The following TAOK1 variants were observed in gnomAD, a reference collection of about 807,000 sequenced individuals.
The protein encoded by TAOK1 is serine/threonine-protein kinase TAO1.
A neutral mutation model predicts 138.3 loss-of-function variants in TAOK1; 21 were observed. The observed-to-expected ratio is 0.15, with a 90% CI of 0.11 to 0.22. The LOEUF is 0.22. TAOK1 is among the 10% of genes least tolerant of loss of function. The probability of loss-of-function intolerance (pLI) is 1.00; values close to 1 mark genes in which losing one functional copy is unlikely to be tolerated. For synonymous variants in TAOK1, 361 were observed against 398.4 expected (o/e 0.91, Z 1.12); for missense variants, 651 against 1,227.7 (o/e 0.53, Z 7.02).
intron 1 of TAOK1, among the ~76,000 whole-genome samples, chr17:29,426,725 G>T (rs903107352): frequency 1.3e-5 from 2 of 152,162 alleles, no homozygotes; most frequent in Non-Finnish European, 2.9e-5. Flanking sequence ...TGTGGGACCA[G>T]CTGTTGGTAC....
intron 1 of TAOK1, among the ~76,000 whole-genome samples, chr17:29,431,849 C>T (rs886836398): frequency 3.3e-5 from 5 of 150,164 alleles, no homozygotes; most frequent in Admixed American, 6.7e-5. Context: ...CTCTGTTGCC[C>T]AGGCTGGATT....
intron 18 of TAOK1, among the ~76,000 whole-genome samples, chr17:29,533,007 C>CCGGACGGGGCGGTTGGCA (rs1216697231): frequency 3.9e-5 from 4 of 103,886 alleles, no homozygotes; most frequent in African/African-American, 1.4e-4. Context: ...CACCTCCAAC[C>CCGGACGGGGCGGTTGGCA]GGGCGGGGGG....
At chr17:29,523,040 A>C (rs1055991160) in intron 17 of TAOK1, among the ~76,000 whole-genome samples, 4 of 147,204 alleles carry the variant, frequency 2.7e-5, no homozygotes, top group Non-Finnish European at 5.9e-5. Context: ...ACACCACAGC[A>C]CTCCAGCCCG....
At chr17:29,393,751 A>C (rs1904502516) in intron 1 of TAOK1, among the ~76,000 whole-genome samples, 1 of 152,176 alleles carries the variant, frequency 6.6e-6, no homozygotes, top group Non-Finnish European at 1.5e-5. Flanking sequence ...AATTTCTGAG[A>C]ATCAGCTGGA....
At position 29,530,499 on chromosome 17, in the gene TAOK1, T is replaced by C; in HGVS notation, c.2241T>C (p.Thr747=). 6.2e-7 allele frequency: 1 copy of C among 1,614,154 alleles called. No individual in the cohort carries two copies. The highest frequency in any genetic ancestry group is 8.5e-7 in the Non-Finnish European group (1 of 1,180,032). ...YKALRNHLLE[T]TPKSEHKAVL... ...CATTAAGAAATCACCTGCTGGAGACTACACCAAAGAGTGAGCACAAAGCTG... is the reference window on the plus strand; with the variant it reads ...CATTAAGAAATCACCTGCTGGAGACCACACCAAAGAGTGAGCACAAAGCTG... Residue 747 remains threonine, a synonymous_variant, in exon 18 of 20, where the codon ACT becomes ACC. Transcript: ENST00000261716.
chr17:29,460,193 A>G (rs1269595769), intron 2 of TAOK1, among the ~76,000 whole-genome samples: 2 of 152,320 alleles, frequency 1.3e-5, no homozygotes, highest in Middle Eastern at 3.4e-3. Flanking sequence ...GAACTTTGTC[A>G]GTAGTCTTTT....
chr17:29,427,834 C>T (rs577414636), intron 1 of TAOK1, among the ~76,000 whole-genome samples: 67 of 149,726 alleles, frequency 4.5e-4, no homozygotes, highest in Non-Finnish European at 6.6e-4. Flanking sequence ...GGTTGAGGCA[C>T]GAGAATTGTT....
chr17:29,438,345 T>TGG (rs1307947991), intron 1 of TAOK1, among the ~76,000 whole-genome samples: 1 of 152,242 alleles, frequency 6.6e-6, no homozygotes, highest in African/African-American at 2.4e-5. Context: ...AAAACAAATT[T>TGG]AAGTTTCCTA....
At chr17:29,490,205 G>A (rs184000483) in intron 9 of TAOK1, among the ~76,000 whole-genome samples, 14 of 151,988 alleles carry the variant, frequency 9.2e-5, no homozygotes, top group Admixed American at 6.6e-4. Context: ...AAATTACCAG[G>A]TAATTAAAAA....
At chr17:29,465,837 C>CTTTTTGTTTTTTTTT (rs2030650921) in intron 2 of TAOK1, among the ~76,000 whole-genome samples, 1 of 45,434 alleles carries the variant, frequency 2.2e-5, no homozygotes, top group African/African-American at 1.1e-4. Flanking sequence ...AGTTTCTGTG[C>CTTTTTGTTTTTTTTT]TTTTTTTTTT....
rs1489037162 is a variant in TAOK1 at position 29,545,085 on chromosome 17, T to A, written c.*2063T>A. 2 of 152,208 alleles carry A rather than the reference T, an allele frequency of 1.3e-5. No individual in the cohort carries two copies. The highest frequency in any genetic ancestry group is 2.9e-5 in the Non-Finnish European group (2 of 68,032). 9.4% of individuals were successfully genotyped at this position (152,208 alleles called of 1,614,324 possible). On this transcript the variant is annotated 3_prime_UTR_variant, in exon 20 of 20. Coordinates refer to ENST00000261716, the MANE Select transcript of TAOK1 (RefSeq NM_020791.4). Reference sequence around the variant, plus strand: ...ATCACCATAGAGTTCACACAAAATTTTAGGCAGTGTTTCAAGAAGCACTCT... The same window carrying A: ...ATCACCATAGAGTTCACACAAAATTATAGGCAGTGTTTCAAGAAGCACTCT...
intron 1 of TAOK1, among the ~76,000 whole-genome samples, chr17:29,427,925 CAAAAAAAA>C (rs34918500): frequency 8.7e-6 from 1 of 115,022 alleles, no homozygotes; most frequent in Non-Finnish European, 1.9e-5. Context: ...GACTCTGTCT[CAAAAAAAA>C]AAAAAAAAAA....
intron 1 of TAOK1, among the ~76,000 whole-genome samples, chr17:29,447,906 T>G (rs2030131646): frequency 6.7e-6 from 1 of 148,986 alleles, no homozygotes; most frequent in Non-Finnish European, 1.5e-5. Context: ...CCCACCCGCC[T>G]CAGCCTCCCA....
At chr17:29,472,574 T>TTTC (rs2030847267) in intron 3 of TAOK1, among the ~76,000 whole-genome samples, 2 of 34,436 alleles carry the variant, frequency 5.8e-5, no homozygotes, top group South Asian at 1.6e-3. Flanking sequence ...TCTTTCTTTC[T>TTTC]TTTTTTTTTT....
At chr17:29,398,230 G>A (rs984223996) in intron 1 of TAOK1, among the ~76,000 whole-genome samples, 2 of 151,138 alleles carry the variant, frequency 1.3e-5, no homozygotes, top group Admixed American at 1.3e-4. Context: ...TTTTTGAGAC[G>A]GAATTTTGCT....
intron 2 of TAOK1, among the ~76,000 whole-genome samples, chr17:29,462,573 T>C (rs1051286947): frequency 6.6e-6 from 1 of 152,220 alleles, no homozygotes; most frequent in Non-Finnish European, 1.5e-5. Flanking sequence ...ACCTCTTGTT[T>C]CCTAGTATAA....
intron 14 of TAOK1, among the ~76,000 whole-genome samples, chr17:29,509,161 TTTTTTATTTTA>T (rs1446151354): frequency 1.3e-5 from 2 of 152,212 alleles, no homozygotes; most frequent in Non-Finnish European, 2.9e-5. Context: ...CATTTTTTTA[TTTTTTATTTTA>T]TTTTTATTAT....
At chr17:29,538,697 GTGAACCAAAAAT>G (rs2032265305) in intron 19 of TAOK1, among the ~76,000 whole-genome samples, 1 of 152,210 alleles carries the variant, frequency 6.6e-6, no homozygotes, top group Non-Finnish European at 1.5e-5. Context: ...AAGTCTCCAA[GTGAACCAAAAAT>G]TGTTCATTTA....
At chr17:29,491,738 TA>T in intron 9 of TAOK1, 45 bp from the exon 10 acceptor site, 1 of 1,386,280 alleles carries the variant, frequency 7.2e-7, no homozygotes, top group Non-Finnish European at 1.0e-6. Flanking sequence ...AATGTATTTT[TA>T]AAGGAAATAG....
Sources: gnomAD v4.1 joint callset for allele counts (sites outside exome capture counted in the v4.1 genomes callset) on GRCh38, gnomAD v4.1.1 for gene constraint, MANE v1.5 for transcripts, NCBI Gene and HGNC (gene_info 2026-07-23, HGNC 2026-07-21) for gene names.